The following SYN3 variants were observed in gnomAD, a reference collection of about 807,000 sequenced individuals.
SYN3 encodes synapsin-3.
Under a neutral mutation model 65.8 loss-of-function variants are expected in SYN3, and 35 were observed. The observed-to-expected ratio is 0.53, with a 90% CI of 0.41 to 0.70. The LOEUF (loss-of-function observed/expected upper bound fraction) is 0.70, where lower values mean the gene tolerates loss of function less well. SYN3 is among the 30% of genes least tolerant of loss of function. SYN3 has a pLI of 0.00. For synonymous variants in SYN3, 270 were observed against 292.9 expected (o/e 0.92, Z 0.80); for missense variants, 680 against 749.0 (o/e 0.91, Z 1.08).
intron 3 of SYN3, among the ~76,000 whole-genome samples, chr22:32,933,587 C>T (rs762816000): frequency 9.9e-5 from 15 of 152,166 alleles, no homozygotes; most frequent in Admixed American, 7.2e-4. Context: ...TGCCACCACA[C>T]CCAGCTAATT....
intron 6 of SYN3, among the ~76,000 whole-genome samples, chr22:32,780,942 C>CT (rs1569219106): frequency 1.3e-5 from 1 of 78,660 alleles, no homozygotes. Context: ...CCTTTCCTTC[C>CT]TTCCTTCCTT....
intron 6 of SYN3, among the ~76,000 whole-genome samples, chr22:32,711,885 G>A (rs2060971207): frequency 6.6e-6 from 1 of 152,218 alleles, no homozygotes; most frequent in South Asian, 2.1e-4. Context: ...TGGAGAACGA[G>A]GTACAGGGCA....
rs201294260 is a variant in SYN3, at chr22:32,510,984, C to T, written c.*2708G>A. ...TGTCAATTCCAAGTTATTGTCCAGG[C>T]GTGTGTGTGTGTGTGTGTGTGTGTG... On this transcript the variant is annotated 3_prime_UTR_variant, in exon 14 of 14. Transcript: ENST00000358763. Among the ~76,000 whole-genome samples, 5,807 of 143,010 alleles carry T rather than the reference C, an allele frequency of 0.041. 366 individuals are homozygous for T. The highest frequency in any genetic ancestry group is 0.14 in the African/African-American group (5,352 of 39,366). 93.8% of individuals were successfully genotyped at this position (143,010 alleles called of 152,430 possible). A position where few individuals can be genotyped will look rare whatever the true frequency, so the allele number is the denominator to read the frequency against.
intron 6 of SYN3, among the ~76,000 whole-genome samples, chr22:32,679,218 AATTTTTGT>A (rs2060489686): frequency 2.0e-5 from 3 of 151,288 alleles, no homozygotes; most frequent in African/African-American, 7.3e-5. Flanking sequence ...ACATCCAGCT[AATTTTTGT>A]ATTTTTAGTA....
chr22:32,532,005 T>C (rs2058081495), intron 10 of SYN3, among the ~76,000 whole-genome samples: 1 of 152,274 alleles, frequency 6.6e-6, no homozygotes, highest in Non-Finnish European at 1.5e-5. Context: ...TTTTTTTTTT[T>C]TTCCCTAAGA....
chr22:32,701,829 A>T (rs1416579483), intron 6 of SYN3, among the ~76,000 whole-genome samples: 5 of 152,150 alleles, frequency 3.3e-5, no homozygotes, highest in Non-Finnish European at 7.4e-5. Context: ...CCAGAAGAAG[A>T]GAGGGGAGTA....
At chr22:33,034,275 C>A (rs2053812299) in intron 1 of SYN3, among the ~76,000 whole-genome samples, 1 of 151,618 alleles carries the variant, frequency 6.6e-6, no homozygotes, top group African/African-American at 2.4e-5. Flanking sequence ...AAGACAGAGT[C>A]TTGCTCTGTT....
chr22:32,646,459 CAT>C (rs1207745516), intron 6 of SYN3, among the ~76,000 whole-genome samples: 1 of 152,208 alleles, frequency 6.6e-6, no homozygotes, highest in Non-Finnish European at 1.5e-5. Flanking sequence ...GAACCTGACT[CAT>C]AAGGTCGCTT....
chr22:32,958,593 G>GT (rs1219245853), intron 3 of SYN3, among the ~76,000 whole-genome samples: 1 of 152,026 alleles, frequency 6.6e-6, no homozygotes, highest in Non-Finnish European at 1.5e-5. Flanking sequence ...TCATAGTTTT[G>GT]TTTTTTGTTT....
At chr22:32,922,931 C>T (rs2050372204) in intron 4 of SYN3, among the ~76,000 whole-genome samples, 1 of 152,126 alleles carries the variant, frequency 6.6e-6, no homozygotes, top group Non-Finnish European at 1.5e-5. Context: ...GCCATCCATC[C>T]TGGTCACCTA....
chr22:32,773,236 T>G (rs2045820120), intron 6 of SYN3, among the ~76,000 whole-genome samples: 1 of 151,318 alleles, frequency 6.6e-6, no homozygotes, highest in South Asian at 2.1e-4. Context: ...GTGAAAACCC[T>G]GTCTCTACTA....
At chr22:32,739,183 G>GA (rs3070574) in intron 6 of SYN3, among the ~76,000 whole-genome samples, 4 of 151,272 alleles carry the variant, frequency 2.6e-5, no homozygotes, top group African/African-American at 9.7e-5. Flanking sequence ...CAGGGGGGGG[G>GA]CGGTTTCCCC....
intron 6 of SYN3, among the ~76,000 whole-genome samples, chr22:32,639,056 C>A (rs56379669): frequency 0.28 from 42,309 of 151,958 alleles, 6,495 homozygotes; most frequent in African/African-American, 0.38. Flanking sequence ...TGGGTTCATG[C>A]CATTCTCCTG....
At chr22:32,948,887 A>G (rs1420104753) in intron 3 of SYN3, among the ~76,000 whole-genome samples, 3 of 149,784 alleles carry the variant, frequency 2.0e-5, no homozygotes, top group East Asian at 1.9e-4. Flanking sequence ...AAAAAAAAAA[A>G]AAAGAAAGAA....
intron 6 of SYN3, among the ~76,000 whole-genome samples, chr22:32,770,938 C>A (rs146582868): frequency 6.6e-6 from 1 of 151,464 alleles, no homozygotes; most frequent in African/African-American, 2.4e-5. Flanking sequence ...CTGTGCAGAA[C>A]GTGCAGGTTC....
chr22:32,983,674 C>T (rs566137398), intron 2 of SYN3, among the ~76,000 whole-genome samples: 17 of 152,058 alleles, frequency 1.1e-4, no homozygotes, highest in Non-Finnish European at 2.1e-4. Flanking sequence ...CAGCCTCATG[C>T]AAAGAGAATC....
chr22:32,702,897 T>A (rs2060828785), intron 6 of SYN3, among the ~76,000 whole-genome samples: 1 of 152,214 alleles, frequency 6.6e-6, no homozygotes, highest in African/African-American at 2.4e-5. Flanking sequence ...ATAATAACAG[T>A]AAAAATTTAG....
At chr22:32,666,607 C>T (rs1016467729) in intron 6 of SYN3, among the ~76,000 whole-genome samples, 1 of 152,158 alleles carries the variant, frequency 6.6e-6, no homozygotes, top group African/African-American at 2.4e-5. Flanking sequence ...TCTCATGAGG[C>T]CTTCTCTGGT....
intron 7 of SYN3, among the ~76,000 whole-genome samples, chr22:32,558,529 T>C (rs1041229692): frequency 3.9e-5 from 6 of 152,238 alleles, no homozygotes; most frequent in African/African-American, 1.2e-4. Context: ...ATGCAGAGGA[T>C]GGAGGCAACT....
Sources: allele counts gnomAD v4.1 joint callset (sites outside exome capture counted in the v4.1 genomes callset), GRCh38; gene constraint gnomAD v4.1.1; transcripts MANE v1.5; gene names NCBI Gene and HGNC (gene_info 2026-07-23, HGNC 2026-07-21).